SELENOS: variants seen among roughly 807,000 people sequenced by gnomAD.
The protein encoded by SELENOS is selenoprotein S.
In SELENOS, 37 loss-of-function variants were observed where a neutral mutation model predicts 30.2. The ratio of observed to expected loss-of-function variants is 1.23; its 90% CI spans 0.94 to 1.61. SELENOS has a LOEUF of 1.61. SELENOS is among the 40% of genes most tolerant of loss of function. SELENOS has a pLI of 0.00. For missense variants in SELENOS, 289 were observed against 231.8 expected (o/e 1.25, Z -1.60); for synonymous variants, 119 against 91.6 (o/e 1.30, Z -1.71).
chr15:101,275,229 ACATT>A (rs775568856), intron 3 of SELENOS, 22 bp downstream of exon 3: 81 of 1,516,198 alleles, frequency 5.3e-5, no homozygotes, highest in Non-Finnish European at 6.3e-5. Flanking sequence ...TTCTATGCAC[ACATT>A]CAAACTGAAA....
intron 1 of SELENOS, 164 bp from the exon 2 acceptor site, chr15:101,276,839 T>C: frequency 1.3e-6 from 1 of 778,716 alleles, no homozygotes; most frequent in Non-Finnish European, 2.0e-6. Flanking sequence ...ACTCAAGAAG[T>C]GCGACAATTC....
chr15:101,276,313 A>G (rs993257614), intron 2 of SELENOS: 3 of 363,298 alleles, frequency 8.3e-6, no homozygotes, highest in Non-Finnish European at 1.5e-5. Flanking sequence ...GTGTGGCCCG[A>G]GCATAGCCCA....
At chr15:101,276,967 G>C (rs1369940984) in intron 1 of SELENOS, 2 of 527,140 alleles carry the variant, frequency 3.8e-6, no homozygotes, top group East Asian at 6.9e-5. Flanking sequence ...AATCAGGAAG[G>C]CAAAGGCCTT....
rs757589149 is a variant in SELENOS, at chr15:101,274,494, T to C, written c.410A>G (p.Glu137Gly). The C allele has an allele frequency of 5.6e-6, 9 of 1,608,396 alleles. No individual in the cohort carries two copies. The highest frequency in any genetic ancestry group is 7.6e-6 in the Non-Finnish European group (9 of 1,177,024). ...AGTGGAAGGCCCAGGACTGTCTTCC[T>C]CCTGTTTGAACACACACAGTAGTGT... is the stretch of plus-strand genomic sequence containing the variant. ...SYKGNAKKPQ[E>G]EDSPGPSTSS... The change falls in exon 5 of 6, where the codon GAG becomes GGG. Residue 137 changes from glutamate to glycine, a missense_variant and splice_region_variant. Glu to Gly is a moderately conservative substitution (Grantham distance 98, BLOSUM62 -2). Coordinates refer to ENST00000526049, the MANE Select transcript of SELENOS (RefSeq NM_018445.6).
At position 101,275,331 on chromosome 15, in the gene SELENOS, G is replaced by A; in HGVS notation, c.242C>T (p.Ala81Val). The A allele has an allele frequency of 3.2e-6, 5 of 1,581,622 alleles. No homozygotes were observed. Among genetic ancestry groups the A allele is most frequent in the Non-Finnish European group, 4.3e-6 (5 of 1,162,942 alleles). The change falls in exon 3 of 6, where the codon GCT becomes GTT. Residue 81 changes from alanine to valine, a missense_variant. Coordinates refer to ENST00000526049, the MANE Select transcript of SELENOS (RefSeq NM_018445.6). Reference protein sequence around the residue: ...EPDVVVKRQEALAAARLKMQE... With the variant: ...EPDVVVKRQEVLAAARLKMQE... ...CATTTTCAGTCGAGCAGCTGCTAAA[G>A]CTTCTTGTCGTTTAACAACAACATC... is the stretch of plus-strand genomic sequence containing the variant.
rs777512383 is a variant in SELENOS at position 101,274,606 on chromosome 15, C to T, written c.394G>A (p.Ala132Thr). 3.7e-6 allele frequency: 6 copies of T among 1,613,594 alleles called. No homozygotes were observed. Among genetic ancestry groups the T allele is most frequent in the Non-Finnish European group, 4.2e-6 (5 of 1,179,778 alleles). ...TCTCCAGTCACCTGGGGCTTCTTTGCATTTCCTTTGTAACTTTTTCCTTCT... is the reference window on the plus strand; with the variant it reads ...TCTCCAGTCACCTGGGGCTTCTTTGTATTTCCTTTGTAACTTTTTCCTTCT... ...MQEGKSYKGNAKKPQEEDSPG... is the reference protein window; with the variant it reads ...MQEGKSYKGNTKKPQEEDSPG... Residue 132 changes from alanine to threonine, a missense_variant, in exon 4 of 6, where the codon GCA (alanine) becomes ACA (threonine). Physicochemically the swap from Ala to Thr is moderately conservative, Grantham distance 58. Coordinates refer to ENST00000526049, the MANE Select transcript of SELENOS (RefSeq NM_018445.6).
chr15:101,271,759 C>A (rs1255610033), downstream of SELENOS: 1 of 152,192 alleles, frequency 6.6e-6, no homozygotes, highest in African/African-American at 2.4e-5. Context: ...ATGATCTAGA[C>A]GGGGTCCACA....
In SELENOS at chr15:101,275,369, G is replaced by A; in HGVS notation, c.212-8C>T. Reference sequence around the variant, plus strand: ...TAACAACAACATCAGGTTCTAAAATGTCAGAAAAAAATGGAGATAAAGCAC... The same window carrying A: ...TAACAACAACATCAGGTTCTAAAATATCAGAAAAAAATGGAGATAAAGCAC... On this transcript the variant is annotated splice_polypyrimidine_tract_variant and splice_region_variant and intron_variant, in intron 2 of 5. Transcript: ENST00000526049. 1 of 1,545,932 alleles carries A rather than the reference G, an allele frequency of 6.5e-7. No individual in the cohort carries two copies. The highest frequency in any genetic ancestry group is 8.7e-7 in the Non-Finnish European group (1 of 1,147,176).
At chr15:101,271,967 G>A (rs770437188), downstream of SELENOS, among the ~76,000 whole-genome samples, 5 of 152,220 alleles carry the variant, frequency 3.3e-5, no homozygotes, top group South Asian at 2.1e-4. Context: ...GAGTCATGGC[G>A]TAAGGGAATA....
In SELENOS at chr15:101,277,476, G is replaced by C. The variant is rs1368737470; in HGVS notation, c.-59C>G. 7.2e-6 allele frequency: 10 copies of C among 1,389,744 alleles called. No homozygotes were observed. Among genetic ancestry groups the C allele is most frequent in the Non-Finnish European group, 9.2e-6 (10 of 1,083,052 alleles). The allele number at this position is 1,389,744 out of a possible 1,614,324, so 86.1% of individuals were successfully genotyped here. On this transcript the variant is annotated 5_prime_UTR_variant, in exon 1 of 6. Coordinates refer to ENST00000526049, the MANE Select transcript of SELENOS (RefSeq NM_018445.6). ...CCGCGCCTCCAGCCGGGCGCTTCCG[G>C]TGCGCTCCTACGCACACGTGGCGCG...
intron 3 of SELENOS, chr15:101,274,988 C>A: frequency 1.8e-6 from 1 of 569,788 alleles, no homozygotes; most frequent in South Asian, 2.3e-5. Flanking sequence ...TGCACACACA[C>A]ACTCACATGC....
intron 2 of SELENOS, among the ~76,000 whole-genome samples, chr15:101,275,918 GA>G (rs11420308): frequency 0.046 from 5,247 of 113,162 alleles, 261 homozygotes; most frequent in African/African-American, 0.13. Flanking sequence ...CCATCTCATA[GA>G]AAAAAAAAAA....
chr15:101,275,284 C>A lies in SELENOS; in HGVS notation c.289G>T (p.Val97Phe). ...LKMQEELNAQ[V>F]EKHKEKLKQL... ...TTCAGTTTTTCCTTATGCTTTTCAACTTGCGCATTTAGTTCTTCTTGCATT... is the reference window on the plus strand; with the variant it reads ...TTCAGTTTTTCCTTATGCTTTTCAAATTGCGCATTTAGTTCTTCTTGCATT... The change falls in exon 3 of 6, where the codon GTT becomes TTT. Residue 97 changes from valine (V) to phenylalanine (F), a missense_variant. Transcript: ENST00000526049. 1 of 1,571,664 alleles carries A rather than the reference C, an allele frequency of 6.4e-7. No homozygotes were observed. The highest frequency in any genetic ancestry group is 8.6e-7 in the Non-Finnish European group (1 of 1,157,776).
chr15:101,276,497 G>A (rs776191247), intron 2 of SELENOS, 44 bp downstream of exon 2: 4 of 1,553,180 alleles, frequency 2.6e-6, no homozygotes, highest in Admixed American at 4.2e-5. Context: ...TAATATAAAG[G>A]AGGTGCAAAA....
chr15:101,274,346 A>C (rs2039299492), intron 5 of SELENOS, 74 bp downstream of exon 5: 1 of 1,471,556 alleles, frequency 6.8e-7, no homozygotes, highest in Admixed American at 2.0e-5. Flanking sequence ...GAAACAAACA[A>C]TCTTGTTCCT....
At position 101,273,020 on chromosome 15, in the gene SELENOS, A is replaced by C. The variant is rs74785274; in HGVS notation, c.485-164T>G. Among the ~76,000 whole-genome samples, 9 of 152,108 alleles carry C rather than the reference A, an allele frequency of 5.9e-5. No homozygotes were observed. In the East Asian group the frequency reaches 1.5e-3, roughly 26 times the overall value. On this transcript the variant is annotated intron_variant, in intron 5 of 5. Coordinates refer to ENST00000526049, the MANE Select transcript of SELENOS (RefSeq NM_018445.6). ...CTTTTAGCTATGTGAAAAAAAAAAA[A>C]ACCTTTATATTGTGATTGCCATTTG...
Position 101,276,616 on chromosome 15 carries a change from C to T in SELENOS, c.136G>A (p.Val46Met). Residue 46 changes from valine to methionine, a missense_variant, in exon 2 of 6, where the codon GTG (valine) becomes ATG (methionine). Physicochemically the swap from Val to Met is conservative, Grantham distance 21. Coordinates refer to ENST00000526049, the MANE Select transcript of SELENOS (RefSeq NM_018445.6). ...CGGGCGGAAAGCTTCTGAAAGACCACGTAGAGAAGGATGCAGCTGAAGACG... is the reference window on the plus strand; with the variant it reads ...CGGGCGGAAAGCTTCTGAAAGACCATGTAGAGAAGGATGCAGCTGAAGACG... The part of the protein sequence containing the change: ...YIVFSCILLY[V>M]VFQKLSARLR... 1 of 1,613,804 alleles carries T rather than the reference C, an allele frequency of 6.2e-7. No homozygotes were observed. The highest frequency in any genetic ancestry group is 1.3e-5 in the African/African-American group (1 of 74,992).
chr15:101,276,066 G>A (rs1055038681), intron 2 of SELENOS, among the ~76,000 whole-genome samples: 10 of 151,596 alleles, frequency 6.6e-5, no homozygotes, highest in African/African-American at 9.7e-5. Flanking sequence ...GGGATTACAG[G>A]TGCCCGTCAC....
chr15:101,276,281 C>CT (rs2039325948), intron 2 of SELENOS, among the ~76,000 whole-genome samples: 1 of 141,840 alleles, frequency 7.1e-6, no homozygotes, highest in African/African-American at 2.6e-5. Context: ...AGGTCTCAAT[C>CT]AATTGCCCAG....
Sources: gnomAD v4.1 joint callset for allele counts (sites outside exome capture counted in the v4.1 genomes callset) on GRCh38, gnomAD v4.1.1 for gene constraint, MANE v1.5 for transcripts, NCBI Gene and HGNC (gene_info 2026-07-23, HGNC 2026-07-21) for gene names.